DNAH6: variants seen among roughly 807,000 people sequenced by gnomAD.
The protein encoded by DNAH6 is dynein axonemal heavy chain 6.
In DNAH6, 340 loss-of-function variants were observed where a neutral mutation model predicts 491.4. That is an observed-to-expected ratio of 0.69 (90% CI 0.63 to 0.76). DNAH6 has a LOEUF of 0.76. Among genes scored for constraint, DNAH6 ranks in the 30% least tolerant of loss-of-function variants. The pLI is 0.00. For synonymous variants in DNAH6, 1,603 were observed against 1,686.1 expected, an observed-to-expected ratio of 0.95 and a Z score of 1.21; for missense variants, 4,443 against 4,972.2, an observed-to-expected ratio of 0.89 and a Z score of 3.20.
chr2:84,767,304 G>A (rs2105157992), intron 64 of DNAH6, among the ~76,000 whole-genome samples: 1 of 152,176 alleles, frequency 6.6e-6, no homozygotes, highest in South Asian at 2.1e-4. Flanking sequence ...AGTCTACGTA[G>A]GAAGATCACT....
At chr2:84,553,970 C>T (rs80305462) in intron 10 of DNAH6, among the ~76,000 whole-genome samples, 3,579 of 152,242 alleles carry the variant, frequency 0.024, 57 homozygotes, top group Middle Eastern at 0.092. Flanking sequence ...TGGTCTCCCT[C>T]AGGCTGCTGG....
At chr2:84,715,698 T>C in intron 58 of DNAH6, 71 bp downstream of exon 58, 3 of 1,420,364 alleles carry the variant, frequency 2.1e-6, no homozygotes, top group South Asian at 2.5e-5. Flanking sequence ...TTTAGAAATA[T>C]TGACAAAGAC....
At position 84,624,379 on chromosome 2, in the gene DNAH6, G is replaced by C; in HGVS notation, c.4186G>C (p.Val1396Leu). ...TGCAAGAGATATAGTCACTGAACTT[G>C]TTCAATCCAAGGTAACTGTTTCATT... Reference protein sequence around the residue: ...VHARDIVTELVQSKVETVESF... With the variant: ...VHARDIVTELLQSKVETVESF... Residue 1396 changes from valine to leucine, a missense_variant, in exon 27 of 77, where the codon GTT becomes CTT. Val to Leu is a conservative substitution (Grantham distance 32). This residue lies in a region of DNAH6 where 2,977 missense variants were observed against 3,296.6 expected (regional missense o/e 0.90). Coordinates refer to ENST00000389394, the MANE Select transcript of DNAH6 (RefSeq NM_001370.2). 1 of 1,550,570 alleles carries C rather than the reference G, an allele frequency of 6.4e-7. No individual in the cohort carries two copies. The highest frequency in any genetic ancestry group is 8.7e-7 in the Non-Finnish European group (1 of 1,146,638).
At chr2:84,557,385 G>A (rs1418069514) in intron 10 of DNAH6, among the ~76,000 whole-genome samples, 3 of 151,880 alleles carry the variant, frequency 2.0e-5, no homozygotes, top group African/African-American at 4.8e-5. Flanking sequence ...GGTGGCTCAC[G>A]CCTGTAATCC....
At chr2:84,697,503 GA>G (rs1695503172) in intron 46 of DNAH6, 71 bp from the exon 47 acceptor site, 1 of 1,378,752 alleles carries the variant, frequency 7.3e-7, no homozygotes, top group African/African-American at 1.5e-5. Flanking sequence ...GTGAATTTTA[GA>G]ATAAATATTT....
intron 64 of DNAH6, among the ~76,000 whole-genome samples, chr2:84,768,076 C>T (rs1212379801): frequency 6.6e-6 from 1 of 151,764 alleles, no homozygotes; most frequent in African/African-American, 2.4e-5. Context: ...AAAATGGAAA[C>T]CCAAAAATAA....
chr2:84,753,987 G>C (rs1264771356), intron 63 of DNAH6, among the ~76,000 whole-genome samples: 1 of 151,254 alleles, frequency 6.6e-6, no homozygotes, highest in Non-Finnish European at 1.5e-5. Flanking sequence ...ACCACGCCCA[G>C]CTAATTTTTG....
chr2:84,637,194 T>C lies in DNAH6; in HGVS notation c.4654-16T>C. The C allele has an allele frequency of 6.6e-7, 1 of 1,522,180 alleles. No homozygotes were observed. The highest frequency in any genetic ancestry group is 8.8e-7 in the Non-Finnish European group (1 of 1,130,976). The allele number at this position is 1,522,180 out of a possible 1,614,324, so 94.3% of individuals were successfully genotyped here. ...GTGTCTGGAAGAGTGTTAACTTATA[T>C]TTTATCTTCGAACAGCTCTCTAGAT... On this transcript the variant is annotated splice_polypyrimidine_tract_variant and intron_variant, in intron 30 of 76. Transcript: ENST00000389394.
At chr2:84,572,225 G>A (rs1681970299) in intron 11 of DNAH6, among the ~76,000 whole-genome samples, 1 of 152,176 alleles carries the variant, frequency 6.6e-6, no homozygotes, top group Non-Finnish European at 1.5e-5. Flanking sequence ...ATGGTTCAGA[G>A]TATAATAATA....
intron 18 of DNAH6, among the ~76,000 whole-genome samples, chr2:84,600,761 T>C (rs1056734434): frequency 1.3e-5 from 2 of 151,890 alleles, no homozygotes; most frequent in Admixed American, 1.3e-4. Flanking sequence ...ATGGCTGAAG[T>C]AGCATTTGTC....
intron 39 of DNAH6, among the ~76,000 whole-genome samples, chr2:84,671,532 G>A (rs1692736301): frequency 6.6e-6 from 1 of 152,186 alleles, no homozygotes; most frequent in African/African-American, 2.4e-5. Flanking sequence ...ACTGCCTTCT[G>A]TCTCTGTCCC....
intron 66 of DNAH6, 79 bp downstream of exon 66, chr2:84,784,889 G>T: frequency 9.9e-7 from 1 of 1,014,090 alleles, no homozygotes; most frequent in Non-Finnish European, 1.5e-6. Flanking sequence ...GGAGATCAGA[G>T]CCTGCACAGA....
At chr2:84,561,671 C>A (rs911210428) in intron 11 of DNAH6, among the ~76,000 whole-genome samples, 4 of 152,040 alleles carry the variant, frequency 2.6e-5, no homozygotes, top group Admixed American at 2.6e-4. Flanking sequence ...CCAGAATCTA[C>A]AATGAACTCA....
intron 13 of DNAH6, among the ~76,000 whole-genome samples, chr2:84,578,391 A>G (rs1439352470): frequency 6.6e-6 from 1 of 152,212 alleles, no homozygotes; most frequent in African/African-American, 2.4e-5. Context: ...TGTAAGCCCA[A>G]GAAAACTGAA....
intron 4 of DNAH6, among the ~76,000 whole-genome samples, chr2:84,541,710 G>C (rs1343550962): frequency 1.3e-5 from 2 of 152,076 alleles, no homozygotes; most frequent in Non-Finnish European, 2.9e-5. Flanking sequence ...GAAACAATCA[G>C]GGGGAAAAAA....
chr2:84,621,510 C>T lies in DNAH6; in HGVS notation c.4030C>T (p.His1344Tyr). The T allele has an allele frequency of 1.3e-6, 2 of 1,530,288 alleles. No homozygotes were observed. The highest frequency in any genetic ancestry group is 8.9e-7 in the Non-Finnish European group (1 of 1,129,592). 94.8% of individuals were successfully genotyped at this position (1,530,288 alleles called of 1,614,324 possible). A position where few individuals can be genotyped will look rare whatever the true frequency, so the allele number is the denominator to read the frequency against. ...ATGTCTGGAAACAGAACACAGTAAT[C>T]ATATACAGGCCCTGAAGAATTTTGA... ...TECLETEHSN[H>Y]IQALKNFEKV... Residue 1344 changes from histidine to tyrosine, a missense_variant, in exon 26 of 77, where the codon CAT (histidine) becomes TAT (tyrosine). Physicochemically the swap from His to Tyr is moderately conservative, Grantham distance 83 (BLOSUM62 2). Around this residue, in one of 3 missense-constraint regions of DNAH6, gnomAD observed 2,977 missense variants for 3,296.6 expected, o/e 0.90. Coordinates refer to ENST00000389394, the MANE Select transcript of DNAH6 (RefSeq NM_001370.2).
chr2:84,479,064 T>A, the DNAH6 span, among the ~76,000 whole-genome samples: 3 of 152,198 alleles, frequency 2.0e-5, no homozygotes, highest in Non-Finnish European at 2.9e-5. Flanking sequence ...TCCTCTCTGA[T>A]GCTACGCCAT....
chr2:84,514,695 A>G (rs1357065462), upstream of DNAH6, among the ~76,000 whole-genome samples: 1 of 152,216 alleles, frequency 6.6e-6, no homozygotes, highest in African/African-American at 2.4e-5. Flanking sequence ...ATAGCAGGCT[A>G]TACACAAAGC....
chr2:84,707,481 AT>A, intron 53 of DNAH6, 38 bp from the exon 54 acceptor site: 1 of 1,478,664 alleles, frequency 6.8e-7, no homozygotes, highest in South Asian at 1.3e-5. Flanking sequence ...TTATGAAAAT[AT>A]TTAATAGTAT....
Sources: gnomAD v4.1 joint callset for allele counts (sites outside exome capture counted in the v4.1 genomes callset) on GRCh38, gnomAD v4.1.1 for gene constraint, gnomAD v4.1.1 regional missense constraint, MANE v1.5 for transcripts, NCBI Gene and HGNC (gene_info 2026-07-23, HGNC 2026-07-21) for gene names.